ZHX3: variants seen among roughly 807,000 people sequenced by gnomAD.
The protein encoded by ZHX3 is zinc fingers and homeoboxes protein 3.
Under a neutral mutation model 64.5 loss-of-function variants are expected in ZHX3, and 20 were observed. The ratio of observed to expected loss-of-function variants is 0.31; its 90% confidence interval spans 0.22 to 0.45. The LOEUF (loss-of-function observed/expected upper bound fraction) is 0.45. Among genes scored for constraint, ZHX3 ranks in the 20% least tolerant of loss-of-function variants. The probability of loss-of-function intolerance (pLI) is 1.00; values close to 1 mark genes in which losing one functional copy is unlikely to be tolerated. For synonymous variants in ZHX3, 423 were observed against 461.6 expected (o/e 0.92, Z 1.07); for missense variants, 1,041 against 1,195.8 (o/e 0.87, Z 1.91).
intron 1 of ZHX3, among the ~76,000 whole-genome samples, chr20:41,316,680 G>A (rs1265191469): frequency 6.6e-6 from 1 of 152,134 alleles, no homozygotes; most frequent in Non-Finnish European, 1.5e-5. Context: ...GTTTCTCGCA[G>A]GGCACAAGCC....
intron 1 of ZHX3, among the ~76,000 whole-genome samples, chr20:41,283,139 G>C (rs1457778714): frequency 6.6e-6 from 1 of 152,146 alleles, no homozygotes; most frequent in Admixed American, 6.5e-5. Context: ...GAACTCCTGA[G>C]CTCAGGTGAT....
chr20:41,268,004 T>C (rs1458757564), intron 2 of ZHX3, among the ~76,000 whole-genome samples: 1 of 152,246 alleles, frequency 6.6e-6, no homozygotes, highest in Non-Finnish European at 1.5e-5. Context: ...CAAGGTAGAC[T>C]ACCCAAGATT....
At chr20:41,317,457 G>GA (rs1012405184) in intron 1 of ZHX3, 52 bp downstream of exon 1, 5 of 150,796 alleles carry the variant, frequency 3.3e-5, no homozygotes, top group African/African-American at 1.2e-4. Context: ...AGACACCGGG[G>GA]ACTGACAGCC....
rs549338859 is a variant in ZHX3, at chr20:41,290,339, T to C, written c.-244-21256A>G. 3 of 152,382 alleles carry C rather than the reference T, an allele frequency of 2.0e-5. No individual in the cohort carries two copies. In the South Asian group the frequency reaches 6.2e-4, roughly 32 times the overall value. 9.4% of individuals were successfully genotyped at this position (152,382 alleles called of 1,614,324 possible). A position where few individuals can be genotyped will look rare whatever the true frequency, so the allele number is the denominator to read the frequency against. On this transcript the variant is annotated intron_variant, in intron 1 of 3. Coordinates refer to ENST00000683867, the MANE Select transcript of ZHX3 (RefSeq NM_001384317.1). ...GTACAGTGGCTATTCACAGGCACAA[T>C]CCCACTACTGATCTGCATGAGAGTT... is the stretch of plus-strand genomic sequence containing the variant.
At chr20:41,246,580 A>G (rs1247526294) in intron 2 of ZHX3, among the ~76,000 whole-genome samples, 1 of 152,190 alleles carries the variant, frequency 6.6e-6, no homozygotes, top group Non-Finnish European at 1.5e-5. Context: ...TAGCATTAAT[A>G]CTAATACCTA....
rs1318957911 is a variant in ZHX3 at position 41,178,535 on chromosome 20, T to A, written c.*6656A>T. ...CATTTCAAATTGTACAAGCAATTTG[T>A]CCGTGTTCCCCTCCCTTATCCAAAT... On this transcript the variant is annotated 3_prime_UTR_variant, in exon 4 of 4. Coordinates refer to ENST00000683867, the MANE Select transcript of ZHX3 (RefSeq NM_001384317.1). 1 of 152,672 alleles carries A rather than the reference T, an allele frequency of 6.5e-6. No individual in the cohort carries two copies. Among genetic ancestry groups the A allele is most frequent in the Non-Finnish European group, 1.5e-5 (1 of 68,050 alleles). The allele number at this position is 152,672 out of a possible 1,614,324, so 9.5% of individuals were successfully genotyped here.
At chr20:41,265,634 A>G (rs1311342370) in intron 2 of ZHX3, among the ~76,000 whole-genome samples, 1 of 152,188 alleles carries the variant, frequency 6.6e-6, no homozygotes, top group African/African-American at 2.4e-5. Context: ...ACCTCCCCCA[A>G]GACAAATTGT....
Position 41,273,525 on chromosome 20 carries a change from G to T in ZHX3, c.-244-4442C>A, listed in dbSNP as rs144102151. On this transcript the variant is annotated intron_variant, in intron 1 of 3. Transcript: ENST00000683867. Reference sequence around the variant, plus strand: ...TATAATTAGTTATTTGGTCCATTTTGAGTTAATTTTAATATGTGTGGGGTC... The same window carrying T: ...TATAATTAGTTATTTGGTCCATTTTTAGTTAATTTTAATATGTGTGGGGTC... Among the ~76,000 whole-genome samples the T allele has an allele frequency of 3.1e-3, 479 of 152,118 alleles. 1 individual carries two copies. Among genetic ancestry groups the T allele is most frequent in the African/African-American group, 0.011 (439 of 41,508 alleles).
At chr20:41,190,414 G>T (rs932768801) in intron 3 of ZHX3, among the ~76,000 whole-genome samples, 7 of 152,108 alleles carry the variant, frequency 4.6e-5, no homozygotes, top group African/African-American at 9.7e-5. Flanking sequence ...CAGGTGATCT[G>T]CCCACCTTGA....
intron 1 of ZHX3, among the ~76,000 whole-genome samples, chr20:41,313,758 T>C (rs1401685380): frequency 2.6e-5 from 4 of 152,080 alleles, no homozygotes; most frequent in African/African-American, 4.8e-5. Flanking sequence ...CCAACACACC[T>C]GGCTAATTTT....
intron 1 of ZHX3, among the ~76,000 whole-genome samples, chr20:41,306,833 T>C (rs2044994635): frequency 1.3e-5 from 2 of 152,156 alleles, no homozygotes; most frequent in African/African-American, 4.8e-5. Context: ...AGGTAGCAAG[T>C]AGTATGTTTT....
chr20:41,229,753 G>C (rs1288642530), intron 2 of ZHX3, among the ~76,000 whole-genome samples: 1 of 151,868 alleles, frequency 6.6e-6, no homozygotes, highest in East Asian at 1.9e-4. Flanking sequence ...GGTTGTCTGG[G>C]GTTTTTTGCT....
chr20:41,249,879 C>G (rs556396824), intron 2 of ZHX3, among the ~76,000 whole-genome samples: 1 of 152,180 alleles, frequency 6.6e-6, no homozygotes, highest in South Asian at 2.1e-4. Context: ...TATGACCACA[C>G]CCCCATTCAA....
chr20:41,274,548 G>A (rs1445377863), intron 1 of ZHX3, among the ~76,000 whole-genome samples: 1 of 152,130 alleles, frequency 6.6e-6, no homozygotes, highest in African/African-American at 2.4e-5. Flanking sequence ...ATATTATAAA[G>A]GTAACTTGAG....
chr20:41,212,414 C>G lies in ZHX3; in HGVS notation c.-150-7348G>C, dbSNP rs1312899427. 6.6e-6 allele frequency among the ~76,000 whole-genome samples: 1 copy of G among 152,058 alleles called. No individual in the cohort carries two copies. Among genetic ancestry groups the G allele is most frequent in the Non-Finnish European group, 1.5e-5 (1 of 68,012 alleles). ...ATGAGGATGCAGAGAAACTGGAGCCCTCACGTATTGCTGATGAAAATGTAA... is the reference window on the plus strand; with the variant it reads ...ATGAGGATGCAGAGAAACTGGAGCCGTCACGTATTGCTGATGAAAATGTAA... On this transcript the variant is annotated intron_variant, in intron 2 of 3. Transcript: ENST00000683867. The surrounding 1 kb of genome is among the most constrained non-coding windows in gnomAD (Gnocchi z 4.3).
At position 41,203,750 on chromosome 20, in the gene ZHX3, C is replaced by T. The variant is rs771042206; in HGVS notation, c.1167G>A (p.Thr389=). 1.4e-5 allele frequency: 23 copies of T among 1,614,046 alleles called. No individual in the cohort carries two copies. The highest frequency in any genetic ancestry group is 6.6e-5 in the South Asian group (6 of 91,086). The change falls in exon 3 of 4, where the codon ACG becomes ACA. Residue 389 remains threonine (T), a synonymous_variant. Transcript: ENST00000683867. This position sits in a 1 kb window ranked among gnomAD's most constrained non-coding sequence, Gnocchi z 7.1. The part of the protein sequence containing the change: ...VIQSVPQPTI[T]VLNTPLVASA... ...TGGCGACGAGTGGGGTATTTAGAAC[C>T]GTAATTGTGGGCTGAGGCACAGACT...
In ZHX3 at chr20:41,249,596, G is replaced by A. The variant is rs112925952; in HGVS notation, c.-151+19394C>T. Among the ~76,000 whole-genome samples the A allele has an allele frequency of 1.1e-4, 16 of 152,278 alleles. No homozygotes were observed. The East Asian group carries it at 2.3e-3, about 22-fold the overall frequency. ...AGAAAGCCTTTCAGATATCAAGGTC[G>A]TTGGGAGGCCTCCTTCCCCCAGTTC... On this transcript the variant is annotated intron_variant, in intron 2 of 3. Transcript: ENST00000683867.
At chr20:41,281,174 T>C (rs1403811938) in intron 1 of ZHX3, among the ~76,000 whole-genome samples, 1 of 152,150 alleles carries the variant, frequency 6.6e-6, no homozygotes, top group Non-Finnish European at 1.5e-5. Flanking sequence ...AAAACACAAA[T>C]GAAGCAATTT....
chr20:41,202,637 T>A lies in ZHX3; in HGVS notation c.2280A>T (p.Ala760=). The change falls in exon 3 of 4, where the codon GCA becomes GCT. Residue 760 remains alanine, a synonymous_variant. Coordinates refer to ENST00000683867, the MANE Select transcript of ZHX3 (RefSeq NM_001384317.1). The surrounding 1 kb of genome is among the most constrained non-coding windows in gnomAD (Gnocchi z 7.0). ...AGCTCACTTTGCCTGGGAGCTGCTCTGCCAGTTTGTTTGACTCATCATCCT... is the reference window on the plus strand; with the variant it reads ...AGCTCACTTTGCCTGGGAGCTGCTCAGCCAGTTTGTTTGACTCATCATCCT... ...DPEDDESNKL[A]EQLPGKVSCK... is the part of the protein sequence containing the mutation. 1 of 1,613,958 alleles carries A rather than the reference T, an allele frequency of 6.2e-7. No individual in the cohort carries two copies. The highest frequency in any genetic ancestry group is 8.5e-7 in the Non-Finnish European group (1 of 1,180,016).
Sources: gnomAD v4.1 joint callset for allele counts (sites outside exome capture counted in the v4.1 genomes callset) on GRCh38, gnomAD v4.1.1 for gene constraint, Gnocchi (gnomAD v3.1) non-coding constraint, MANE v1.5 for transcripts, NCBI Gene and HGNC (gene_info 2026-07-23, HGNC 2026-07-21) for gene names.